The following RIC3 variants were observed in gnomAD, a reference collection of about 807,000 sequenced individuals.
RIC3 encodes protein RIC-3.
Under a neutral mutation model 27.3 loss-of-function variants are expected in RIC3, and 28 were observed. The observed-to-expected ratio is 1.02, with a 90% CI of 0.76 to 1.41. The LOEUF (loss-of-function observed/expected upper bound fraction) is 1.41, where lower values mean the gene tolerates loss of function less well. Ranked by LOEUF, RIC3 falls within the 40% of genes most tolerant of loss-of-function variation. The pLI is 0.00. For missense variants in RIC3, 501 were observed against 444.7 expected (o/e 1.13, Z -1.14); for synonymous variants, 184 against 160.4 (o/e 1.15, Z -1.11).
At chr11:8,118,852 C>G (rs367898560) in intron 5 of RIC3, among the ~76,000 whole-genome samples, 1 of 147,206 alleles carries the variant, frequency 6.8e-6, no homozygotes, top group Non-Finnish European at 1.5e-5. Context: ...GCCTGGGAGA[C>G]GGAGTGAGAC....
At chr11:8,143,196 G>A (rs1437731068) in intron 1 of RIC3, among the ~76,000 whole-genome samples, 1 of 147,308 alleles carries the variant, frequency 6.8e-6, no homozygotes, top group East Asian at 2.1e-4. Flanking sequence ...GGCAGGAGAA[G>A]GAAATAAAGG....
intron 2 of RIC3, 25 bp downstream of exon 2, chr11:8,139,942 A>G: frequency 1.3e-6 from 2 of 1,582,598 alleles, no homozygotes; most frequent in East Asian, 2.2e-5. Flanking sequence ...CATTGATGTA[A>G]TATGATTAGG....
At chr11:8,098,886 GGTTCGGGGGTCTCTGAT>G in the RIC3 span, 1 of 1,584,300 alleles carries the variant, frequency 6.3e-7, no homozygotes, top group Non-Finnish European at 8.7e-7. Flanking sequence ...GTGAGTCCTA[GGTTCGGGGGTCTCTGAT>G]TTCCAAGGTA....
intron 4 of RIC3, among the ~76,000 whole-genome samples, chr11:8,133,578 A>G (rs1028454203): frequency 2.0e-5 from 3 of 152,228 alleles, no homozygotes; most frequent in African/African-American, 7.2e-5. Flanking sequence ...AACCTTTGCC[A>G]TGCTGCAGGC....
intron 1 of RIC3, among the ~76,000 whole-genome samples, chr11:8,154,864 T>C (rs927473490): frequency 1.6e-4 from 25 of 152,342 alleles, no homozygotes; most frequent in Non-Finnish European, 5.9e-5. Flanking sequence ...TGACTATCTC[T>C]ATAGGTACTT....
chr11:8,131,274 A>T (rs1311168795), intron 4 of RIC3, among the ~76,000 whole-genome samples: 2 of 152,252 alleles, frequency 1.3e-5, no homozygotes. Flanking sequence ...TTAATTAAAA[A>T]GAAATGACAA....
downstream of RIC3, chr11:8,101,569 G>A (rs775383075): frequency 1.7e-5 from 27 of 1,614,120 alleles, no homozygotes; most frequent in Non-Finnish European, 2.2e-5. Flanking sequence ...TGCACTGCAG[G>A]CCTTTGCCAT....
chr11:8,146,618 G>A (rs189661045), intron 1 of RIC3, among the ~76,000 whole-genome samples: 4 of 152,124 alleles, frequency 2.6e-5, no homozygotes, highest in Admixed American at 6.5e-5. Context: ...CTGAGAACAC[G>A]TACCCAAGGC....
chr11:8,097,696 C>G, the RIC3 span: 1 of 1,601,108 alleles, frequency 6.2e-7, no homozygotes, highest in East Asian at 2.2e-5. Flanking sequence ...GGAATATGAC[C>G]TCATTCCACT....
chr11:8,140,860 G>C (rs1384003823), intron 1 of RIC3, among the ~76,000 whole-genome samples: 1 of 151,934 alleles, frequency 6.6e-6, no homozygotes, highest in African/African-American at 2.4e-5. Context: ...AGCCAGAAGA[G>C]AGTGGGGGCC....
chr11:8,129,458 G>C (rs897177553), intron 4 of RIC3, among the ~76,000 whole-genome samples: 1 of 152,034 alleles, frequency 6.6e-6, no homozygotes, highest in African/African-American at 2.4e-5. Flanking sequence ...ATTTCCACTT[G>C]GAGGCCTTGG....
chr11:8,155,061 A>T (rs1393223275), intron 1 of RIC3, among the ~76,000 whole-genome samples: 1 of 151,706 alleles, frequency 6.6e-6, no homozygotes, highest in Non-Finnish European at 1.5e-5. Flanking sequence ...TCTACGAAAA[A>T]CTTTTATAAA....
chr11:8,115,414 T>A (rs1031601589), intron 5 of RIC3, among the ~76,000 whole-genome samples: 1 of 152,062 alleles, frequency 6.6e-6, no homozygotes, highest in African/African-American at 2.4e-5. Flanking sequence ...CTGAAGGAGC[T>A]TATCCCCACA....
rs1944781018 is a variant in RIC3, at chr11:8,107,400, A to G, written c.*3298T>C. The G allele has an allele frequency of 6.6e-6, 1 of 152,236 alleles. No homozygotes were observed. The highest frequency in any genetic ancestry group is 1.5e-5 in the Non-Finnish European group (1 of 68,048). The allele number at this position is 152,236 out of a possible 1,614,324, so 9.4% of individuals were successfully genotyped here. On this transcript the variant is annotated 3_prime_UTR_variant, in exon 6 of 6. Transcript: ENST00000309737. ...GGAAATAGCGCATACAGGATATTCT[A>G]AAAAGGAAAGAGGGTTTTGTTTGTT...
chr11:8,130,936 C>G (rs1276717177), intron 4 of RIC3, among the ~76,000 whole-genome samples: 1 of 151,880 alleles, frequency 6.6e-6, no homozygotes, highest in African/African-American at 2.4e-5. Context: ...CTCAGGACCA[C>G]GTAAGCTACG....
intron 4 of RIC3, among the ~76,000 whole-genome samples, chr11:8,128,818 C>G (rs557893021): frequency 6.0e-4 from 89 of 148,452 alleles, no homozygotes; most frequent in African/African-American, 2.1e-3. Context: ...GCAGTGGCGC[C>G]ACCTCAGCTC....
At chr11:8,094,437 C>G in the RIC3 span, among the ~76,000 whole-genome samples, 13 of 152,200 alleles carry the variant, frequency 8.5e-5, no homozygotes, top group Admixed American at 6.5e-5. Context: ...TCAGCTGTGG[C>G]CCAGAACCAC....
At chr11:8,098,578 A>G in the RIC3 span, among the ~76,000 whole-genome samples, 1 of 152,210 alleles carries the variant, frequency 6.6e-6, no homozygotes, top group Non-Finnish European at 1.5e-5. Context: ...GAGCAAGTCC[A>G]GGCCTTCTGC....
intron 5 of RIC3, among the ~76,000 whole-genome samples, chr11:8,123,903 A>T (rs72849307): frequency 0.067 from 10,009 of 150,420 alleles, 388 homozygotes; most frequent in South Asian, 0.11. Flanking sequence ...TTTTAAATTT[A>T]AAAAATTGAA....
Sources: allele counts gnomAD v4.1 joint callset (sites outside exome capture counted in the v4.1 genomes callset), GRCh38; gene constraint gnomAD v4.1.1; transcripts MANE v1.5; gene names NCBI Gene and HGNC (gene_info 2026-07-23, HGNC 2026-07-21).